The following ZFHX3 variants were observed in gnomAD, a reference collection of about 807,000 sequenced individuals.
ZFHX3 encodes zinc finger homeobox 3.
A neutral mutation model predicts 279.1 loss-of-function variants in ZFHX3; 42 were observed. The ratio of observed to expected loss-of-function variants is 0.15; its 90% CI spans 0.12 to 0.19. The LOEUF (loss-of-function observed/expected upper bound fraction) is 0.19. Ranked by LOEUF, ZFHX3 falls within the 10% of genes least tolerant of loss-of-function variation. The pLI is 1.00. For synonymous variants in ZFHX3, 2,293 were observed against 1,957.8 expected (o/e 1.17, Z -4.52); for missense variants, 4,981 against 4,754.0 (o/e 1.05, Z -1.40).
At position 73,589,589 on chromosome 16, in the gene ZFHX3, G is replaced by A. The variant is rs149199296; in HGVS notation, c.-1547+90591C>T. Reference sequence around the variant, plus strand: ...TACTAAAAACACAAAAATTAGCTGGGCATGGTGGTGGGTGCCTGTAGTCCC... The same window carrying A: ...TACTAAAAACACAAAAATTAGCTGGACATGGTGGTGGGTGCCTGTAGTCCC... On this transcript the variant is annotated intron_variant, in intron 2 of 17. Coordinates refer to the ZFHX3 transcript ENST00000641206. Among the ~76,000 whole-genome samples the A allele has an allele frequency of 7.2e-3, 1,092 of 151,146 alleles. 17 individuals are homozygous for A. Among genetic ancestry groups the A allele is most frequent in the African/African-American group, 0.025 (1,051 of 41,314 alleles).
At chr16:72,808,731 T>C (rs1333595894) in intron 7 of ZFHX3, among the ~76,000 whole-genome samples, 1 of 152,206 alleles carries the variant, frequency 6.6e-6, no homozygotes, top group Non-Finnish European at 1.5e-5. Context: ...GGGAGCAGTG[T>C]CTCCTACATA....
chr16:73,625,555 G>A (rs996426402), intron 2 of ZFHX3, among the ~76,000 whole-genome samples: 18 of 152,172 alleles, frequency 1.2e-4, no homozygotes, highest in Non-Finnish European at 1.8e-4. Flanking sequence ...TGTATTTTTG[G>A]AAGAGTGAGA....
chr16:73,106,468 AAAAGGCTAC>A (rs1298046398), intron 7 of ZFHX3, among the ~76,000 whole-genome samples: 1 of 152,084 alleles, frequency 6.6e-6, no homozygotes, highest in African/African-American at 2.4e-5. Context: ...GAGTGCTCTT[AAAAGGCTAC>A]AAAGGGCCAA....
chr16:73,147,449 T>C (rs1051833104), intron 5 of ZFHX3, among the ~76,000 whole-genome samples: 47 of 151,852 alleles, frequency 3.1e-4, no homozygotes, highest in African/African-American at 9.4e-4. Context: ...TCCCAGCACT[T>C]TGGGAGGCCG....
intron 2 of ZFHX3, among the ~76,000 whole-genome samples, chr16:73,468,140 A>C (rs1248000056): frequency 6.6e-6 from 1 of 152,212 alleles, no homozygotes; most frequent in Non-Finnish European, 1.5e-5. Flanking sequence ...TGCTCACATC[A>C]ACCAAGTCCA....
At chr16:73,148,604 T>A (rs1043953932) in intron 5 of ZFHX3, among the ~76,000 whole-genome samples, 2 of 122,768 alleles carry the variant, frequency 1.6e-5, no homozygotes, top group Admixed American at 2.0e-4. Flanking sequence ...TGTGTGATGT[T>A]GGGAGGGTTA....
intron 1 of ZFHX3, among the ~76,000 whole-genome samples, chr16:73,879,921 TAAC>T (rs1301771945): frequency 6.6e-6 from 1 of 152,180 alleles, no homozygotes; most frequent in Non-Finnish European, 1.5e-5. Flanking sequence ...ACCCTACTGA[TAAC>T]AACTGTTATA....
chr16:73,694,313 G>C (rs1056282620), intron 1 of ZFHX3, among the ~76,000 whole-genome samples: 1 of 151,882 alleles, frequency 6.6e-6, no homozygotes, highest in Non-Finnish European at 1.5e-5. Context: ...GCAGAGCGAG[G>C]CTATCTCAAA....
At chr16:73,063,058 G>A (rs1965705813), upstream of ZFHX3, among the ~76,000 whole-genome samples, 2 of 152,226 alleles carry the variant, frequency 1.3e-5, no homozygotes, top group African/African-American at 4.8e-5. Flanking sequence ...CCGTGCCCCA[G>A]GCTTGCAGCG....
At chr16:73,401,767 A>G (rs1227072150) in intron 3 of ZFHX3, 2 of 152,212 alleles carry the variant, frequency 1.3e-5, no homozygotes, top group Non-Finnish European at 2.9e-5. Context: ...ATAAACACCT[A>G]TCATTCTGCA....
intron 3 of ZFHX3, among the ~76,000 whole-genome samples, chr16:72,927,417 C>A (rs533252879): frequency 6.6e-6 from 1 of 152,314 alleles, no homozygotes; most frequent in East Asian, 1.9e-4. Flanking sequence ...CTGCTCCAGG[C>A]CGTGCCCCCT....
intron 2 of ZFHX3, among the ~76,000 whole-genome samples, chr16:73,650,896 C>T (rs532950200): frequency 2.6e-5 from 4 of 151,816 alleles, no homozygotes; most frequent in Non-Finnish European, 5.9e-5. Flanking sequence ...GGGAAAAATG[C>T]AAAAGAACAA....
chr16:72,932,719 C>A (rs1357661700), intron 3 of ZFHX3, among the ~76,000 whole-genome samples: 1 of 148,622 alleles, frequency 6.7e-6, no homozygotes, highest in African/African-American at 2.5e-5. Flanking sequence ...GTGTCAAGTT[C>A]AAAGCTAATT....
At chr16:73,578,017 T>A (rs571530599) in intron 2 of ZFHX3, among the ~76,000 whole-genome samples, 2 of 152,354 alleles carry the variant, frequency 1.3e-5, no homozygotes, top group South Asian at 4.1e-4. Flanking sequence ...GCCAAACTGG[T>A]TGTTGAACAA....
intron 1 of ZFHX3, among the ~76,000 whole-genome samples, chr16:73,823,646 C>T (rs1447810937): frequency 6.8e-6 from 1 of 148,110 alleles, no homozygotes; most frequent in Non-Finnish European, 1.5e-5. Flanking sequence ...TCTAGGGCTG[C>T]TTTGGCGCTA....
At chr16:73,741,387 C>G (rs2053656433) in intron 1 of ZFHX3, among the ~76,000 whole-genome samples, 1 of 152,286 alleles carries the variant, frequency 6.6e-6, no homozygotes. Flanking sequence ...CAAGTTCATG[C>G]TCTACCTAAA....
chr16:73,673,096 A>G (rs1217621412), intron 2 of ZFHX3, among the ~76,000 whole-genome samples: 1 of 152,166 alleles, frequency 6.6e-6, no homozygotes, highest in Non-Finnish European at 1.5e-5. Context: ...AGAAAGATCT[A>G]AACAACATAT....
chr16:73,223,034 G>A (rs979373440), intron 5 of ZFHX3, among the ~76,000 whole-genome samples: 7 of 151,980 alleles, frequency 4.6e-5, no homozygotes, highest in African/African-American at 1.7e-4. Flanking sequence ...ATGAATCTAG[G>A]CATAAACCTC....
intron 5 of ZFHX3, among the ~76,000 whole-genome samples, chr16:73,161,074 G>T (rs562655421): frequency 7.6e-4 from 116 of 152,238 alleles, no homozygotes; most frequent in African/African-American, 2.6e-3. Context: ...CCAGGCTCAA[G>T]CGATTCTCCT....
Sources: gnomAD v4.1 joint callset for allele counts (sites outside exome capture counted in the v4.1 genomes callset) on GRCh38, gnomAD v4.1.1 for gene constraint, MANE v1.5 for transcripts, NCBI Gene and HGNC (gene_info 2026-07-23, HGNC 2026-07-21) for gene names.